The following ZFP36L1 variants were observed in gnomAD, a reference collection of about 807,000 sequenced individuals.
ZFP36L1 encodes the protein ZFP36 like 1 zinc finger CCCH-type, also known as mRNA decay activator protein ZFP36L1.
In ZFP36L1, 4 loss-of-function variants were observed where a neutral mutation model predicts 16.7. That is an observed-to-expected ratio of 0.24 (90% confidence interval 0.12 to 0.55). ZFP36L1 has a LOEUF of 0.55. ZFP36L1 is among the 20% of genes least tolerant of loss of function. The pLI, the probability that ZFP36L1 is intolerant of heterozygous loss-of-function variation, is 0.94. For synonymous variants in ZFP36L1, 220 were observed against 190.8 expected, an observed-to-expected ratio of 1.15 and a Z score of -1.26; for missense variants, 311 against 449.2, an observed-to-expected ratio of 0.69 and a Z score of 2.78.
chr14:68,793,477 A>G, upstream of ZFP36L1: 1 of 986,992 alleles, frequency 1.0e-6, no homozygotes, highest in Non-Finnish European at 1.2e-6. Context: ...CACTCATTCC[A>G]CTCCCTCCGG....
At chr14:68,792,477 CG>C (rs2140212003) in intron 1 of ZFP36L1, among the ~76,000 whole-genome samples, 1 of 152,302 alleles carries the variant, frequency 6.6e-6, no homozygotes, top group African/African-American at 2.4e-5. Flanking sequence ...CCCAACCCCA[CG>C]GGTGGGTAAT....
In ZFP36L1 at chr14:68,787,674, A is replaced by C. The variant is rs1014385599; in HGVS notation, c.*1859T>G. 7 of 152,556 alleles carry C rather than the reference A, an allele frequency of 4.6e-5. No individual in the cohort carries two copies. The highest frequency in any genetic ancestry group is 1.0e-4 in the Non-Finnish European group (7 of 68,030). 9.5% of individuals were successfully genotyped at this position (152,556 alleles called of 1,614,324 possible). A position where few individuals can be genotyped will look rare whatever the true frequency, so the allele number is the denominator to read the frequency against. On this transcript the variant is annotated 3_prime_UTR_variant, in exon 2 of 2. Coordinates refer to ENST00000439696, the MANE Select transcript of ZFP36L1 (RefSeq NM_004926.4). ...TCCACCATCAATGTTTCTTGAAAAA[A>C]CGGGGTTTATTGATTTTTAAACTGC...
At chr14:68,793,117 G>A (rs1339569159), upstream of ZFP36L1, 6 of 1,460,912 alleles carry the variant, frequency 4.1e-6, no homozygotes, top group Non-Finnish European at 5.4e-6. Flanking sequence ...TTGGTGGGCC[G>A]GGGGGAGGAG....
rs1008332001 is a variant in ZFP36L1 at position 68,789,926 on chromosome 14, G to A, written c.624C>T (p.Pro208=). Residue 208 remains proline, a synonymous_variant, in exon 2 of 2, where the codon CCC becomes CCT. Coordinates refer to ENST00000439696, the MANE Select transcript of ZFP36L1 (RefSeq NM_004926.4). This position sits in a 1 kb window ranked among gnomAD's most constrained non-coding sequence, Gnocchi z 4.5. The part of the protein sequence containing the change: ...LQHSFSFAGF[P]SAAATAAATG... ...TGGCAGCGGCGGTGGCAGCGGCACT[G>A]GGAAACCCAGCAAAGCTAAAGCTAT... 3 of 1,609,866 alleles carry A rather than the reference G, an allele frequency of 1.9e-6. No homozygotes were observed. In the East Asian group the frequency reaches 6.7e-5, roughly 36 times the overall value.
chr14:68,792,161 C>T (rs1895093492), intron 1 of ZFP36L1, among the ~76,000 whole-genome samples: 1 of 152,060 alleles, frequency 6.6e-6, no homozygotes, highest in Non-Finnish European at 1.5e-5. Flanking sequence ...CTCTCGAGTT[C>T]AAGCCAGCAT....
Position 68,790,469 on chromosome 14 carries a change from A to T in ZFP36L1, c.81T>A (p.Ser27Arg). The T allele has an allele frequency of 6.2e-7, 1 of 1,614,080 alleles. No homozygotes were observed. The highest frequency in any genetic ancestry group is 8.5e-7 in the Non-Finnish European group (1 of 1,179,974). ...LCKGNKMLNYSAPSAGGCLLD... is the reference protein window; with the variant it reads ...LCKGNKMLNYRAPSAGGCLLD... ...GCAGGCAACCCCCTGCACTGGGAGC[A>T]CTATAGTTGAGCATCTTGTTACCCT... Residue 27 changes from serine to arginine, a missense_variant, in exon 2 of 2, where the codon AGT becomes AGA. Physicochemically the swap from Ser to Arg is moderately radical, Grantham distance 110 (BLOSUM62 -1). Coordinates refer to ENST00000439696, the MANE Select transcript of ZFP36L1 (RefSeq NM_004926.4).
chr14:68,793,634 T>A (rs1033780509), upstream of ZFP36L1: 1 of 985,610 alleles, frequency 1.0e-6, no homozygotes, highest in Non-Finnish European at 1.2e-6. Flanking sequence ...CTTCCCCAAG[T>A]GTCTGCACAA....
chr14:68,793,525 G>C, upstream of ZFP36L1: 1 of 986,036 alleles, frequency 1.0e-6, no homozygotes, highest in Non-Finnish European at 1.2e-6. Context: ...TGTTGGGCAG[G>C]AAGGCGGGCT....
At chr14:68,792,204 C>CAATCG (rs1293114617) in intron 1 of ZFP36L1, among the ~76,000 whole-genome samples, 1 of 151,260 alleles carries the variant, frequency 6.6e-6, no homozygotes, top group Non-Finnish European at 1.5e-5. Context: ...ACCCCGCCCG[C>CAATCG]AATCGATGAG....
rs1172098066 is a variant in ZFP36L1 at position 68,787,884 on chromosome 14, T to A, written c.*1649A>T. ...CCTGGAATCCAGAACCTCAAATCTG[T>A]GAGTGGAATGTCTTGAGATGGGCAC... On this transcript the variant is annotated 3_prime_UTR_variant, in exon 2 of 2. Transcript: ENST00000439696. The A allele has an allele frequency of 6.6e-6, 1 of 152,438 alleles. No homozygotes were observed. Among genetic ancestry groups the A allele is most frequent in the Non-Finnish European group, 1.5e-5 (1 of 67,996 alleles). 9.4% of individuals were successfully genotyped at this position (152,438 alleles called of 1,614,324 possible).
At chr14:68,792,345 C>T (rs562735457) in intron 1 of ZFP36L1, among the ~76,000 whole-genome samples, 4 of 152,324 alleles carry the variant, frequency 2.6e-5, no homozygotes, top group East Asian at 3.9e-4. Flanking sequence ...CCACTGCAAA[C>T]TTGTTCTGCA....
At chr14:68,792,399 C>A (rs533850285) in intron 1 of ZFP36L1, among the ~76,000 whole-genome samples, 1 of 152,276 alleles carries the variant, frequency 6.6e-6, no homozygotes, top group Non-Finnish European at 1.5e-5. Context: ...CTCGCATATC[C>A]CCAGCTCCCC....
chr14:68,790,169 A>G lies in ZFP36L1; in HGVS notation c.381T>C (p.Gly127=), dbSNP rs150284721. The change falls in exon 2 of 2, where the codon GGT becomes GGC. Residue 127 remains glycine (G), a synonymous_variant. Transcript: ENST00000439696. The part of the protein sequence containing the change: ...TELCRPFEEN[G]ACKYGDKCQF... ...GGCACTTGTCCCCGTACTTACAGGC[A>G]CCGTTTTCCTCAAAGGGGCGGCACA... 4.6e-4 allele frequency: 741 copies of G among 1,611,454 alleles called. 2 individuals carry two copies. The East Asian group carries it at 5.2e-3, about 11-fold the overall frequency.
In ZFP36L1 at chr14:68,790,111, G is replaced by A; in HGVS notation, c.439C>T (p.Leu147=). 1 of 1,611,050 alleles carries A rather than the reference G, an allele frequency of 6.2e-7. No homozygotes were observed. The highest frequency in any genetic ancestry group is 8.5e-7 in the Non-Finnish European group (1 of 1,178,034). ...FAHGIHELRS[L]TRHPKYKTEL... ...GTCTTGTACTTGGGGTGGCGGGTCA[G>A]GCTGCGGAGCTCGTGGATGCCGTGT... Residue 147 remains leucine, a synonymous_variant, in exon 2 of 2, where the codon CTG becomes TTG. Transcript: ENST00000439696.
At chr14:68,792,404 C>A (rs1248616992) in intron 1 of ZFP36L1, among the ~76,000 whole-genome samples, 1 of 152,186 alleles carries the variant, frequency 6.6e-6, no homozygotes, top group Admixed American at 6.5e-5. Flanking sequence ...ATATCCCCAG[C>A]TCCCCCCAAA....
chr14:68,796,013 C>G (rs1352783226), upstream of ZFP36L1: 1 of 1,324,626 alleles, frequency 7.5e-7, no homozygotes, highest in African/African-American at 1.5e-5. Context: ...CCGCCAACTT[C>G]GCGGTGCATT....
chr14:68,796,092 A>T, upstream of ZFP36L1: 1 of 1,361,334 alleles, frequency 7.3e-7, no homozygotes, highest in Non-Finnish European at 9.8e-7. Context: ...GCCGCTTCCG[A>T]CCGGGAGGCG....
chr14:68,795,910 C>T (rs776345960), upstream of ZFP36L1: 5 of 1,010,832 alleles, frequency 4.9e-6, no homozygotes, highest in Admixed American at 9.6e-5. Flanking sequence ...GCCGACCCGC[C>T]CTCGCCCAGA....
At chr14:68,793,224 G>C, upstream of ZFP36L1, 3 of 1,038,106 alleles carry the variant, frequency 2.9e-6, no homozygotes, top group Non-Finnish European at 3.5e-6. Flanking sequence ...AGGGGGGGCA[G>C]GGGGAGGAGA....
Sources: allele counts gnomAD v4.1 joint callset (sites outside exome capture counted in the v4.1 genomes callset), GRCh38; gene constraint gnomAD v4.1.1; non-coding constraint Gnocchi (gnomAD v3.1); transcripts MANE v1.5; gene names NCBI Gene and HGNC (gene_info 2026-07-23, HGNC 2026-07-21).